Variants in ZNF879 observed in about 807,000 individuals in gnomAD.
ZNF879 encodes the protein zinc finger protein 879.
Under a neutral mutation model 44.3 loss-of-function variants are expected in ZNF879, and 32 were observed. The ratio of observed to expected loss-of-function variants is 0.72; its 90% CI spans 0.54 to 0.97. The LOEUF (loss-of-function observed/expected upper bound fraction) is 0.97. ZNF879 is among the 50% of genes least tolerant of loss of function. The probability of loss-of-function intolerance (pLI) is 0.00; values close to 1 mark genes in which losing one functional copy is unlikely to be tolerated. For synonymous variants in ZNF879, 234 were observed against 233.2 expected (o/e 1.00, Z -0.03); for missense variants, 621 against 669.7 (o/e 0.93, Z 0.80).
chr5:179,026,740 C>T lies in ZNF879; in HGVS notation c.34-733C>T, dbSNP rs574865002. 9.2e-5 allele frequency among the ~76,000 whole-genome samples: 14 copies of T among 152,338 alleles called. No homozygotes were observed. The South Asian group carries it at 2.5e-3, about 27-fold the overall frequency. On this transcript the variant is annotated intron_variant, in intron 2 of 4. Coordinates refer to ENST00000444149, the MANE Select transcript of ZNF879 (RefSeq NM_001136116.3). ...CTGGGCTCAAGTAATCCTCCTTTCT[C>T]GGCCTCCCAAAGTGCTGGGATTATA...
rs1451136154 is a variant in ZNF879 at position 179,033,298 on chromosome 5, C to T, written c.1350C>T (p.His450=). 2 of 1,577,240 alleles carry T rather than the reference C, an allele frequency of 1.3e-6. No individual in the cohort carries two copies. Among genetic ancestry groups the T allele is most frequent in the Admixed American group, 1.8e-5 (1 of 54,054 alleles). ...ISRLNIHHRI[H]TGEKPYNCKE... is the part of the protein sequence containing the mutation. ...GGCTTAATATACATCACAGAATTCA[C>T]ACTGGAGAGAAACCATATAATTGTA... is the stretch of plus-strand genomic sequence containing the variant. Residue 450 remains histidine, a synonymous_variant, in exon 5 of 5, where the codon CAC becomes CAT. Coordinates refer to ENST00000444149, the MANE Select transcript of ZNF879 (RefSeq NM_001136116.3).
Position 179,033,300 on chromosome 5 carries a change from C to T in ZNF879, c.1352C>T (p.Thr451Ile). 1 of 1,577,034 alleles carries T rather than the reference C, an allele frequency of 6.3e-7. No homozygotes were observed. The highest frequency in any genetic ancestry group is 8.6e-7 in the Non-Finnish European group (1 of 1,161,290). ...CTTAATATACATCACAGAATTCACA[C>T]TGGAGAGAAACCATATAATTGTAAG... The part of the protein sequence containing the change: ...SRLNIHHRIH[T>I]GEKPYNCKEC... Residue 451 changes from threonine (T) to isoleucine (I), a missense_variant, in exon 5 of 5, where the codon ACT becomes ATT. Physicochemically the swap from Thr to Ile is moderately conservative, Grantham distance 89. Coordinates refer to ENST00000444149, the MANE Select transcript of ZNF879 (RefSeq NM_001136116.3).
At chr5:179,027,887 C>T in intron 3 of ZNF879, 145 bp from the exon 4 acceptor site, 3 of 764,598 alleles carry the variant, frequency 3.9e-6, no homozygotes, top group Non-Finnish European at 6.4e-6. Flanking sequence ...CTGGGACCAT[C>T]TCCTGGTTGT....
intron 2 of ZNF879, among the ~76,000 whole-genome samples, chr5:179,026,651 TA>T (rs889096323): frequency 5.3e-5 from 8 of 151,804 alleles, no homozygotes; most frequent in African/African-American, 9.7e-5. Context: ...CCCAATTAAT[TA>T]AAAAAAAATT....
chr5:179,027,565 G>C lies in ZNF879; in HGVS notation c.126G>C (p.Val42=). 1 of 1,614,126 alleles carries C rather than the reference G, an allele frequency of 6.2e-7. No homozygotes were observed. The highest frequency in any genetic ancestry group is 8.5e-7 in the Non-Finnish European group (1 of 1,180,028). Residue 42 remains valine, a synonymous_variant, in exon 3 of 5, where the codon GTG becomes GTC. Coordinates refer to ENST00000444149, the MANE Select transcript of ZNF879 (RefSeq NM_001136116.3). The part of the protein sequence containing the change: ...DSAQRALYRE[V]MLENYSILVS... ...CCCAGAGAGCCTTGTACCGGGAGGTGATGCTGGAGAACTACAGCATCCTGG... is the reference window on the plus strand; with the variant it reads ...CCCAGAGAGCCTTGTACCGGGAGGTCATGCTGGAGAACTACAGCATCCTGG...
At position 179,025,535 on chromosome 5, in the gene ZNF879, C is replaced by T. The variant is rs187934244; in HGVS notation, c.33+498C>T. Among the ~76,000 whole-genome samples, 273 of 152,332 alleles carry T rather than the reference C, an allele frequency of 1.8e-3. 1 individual carries two copies. The highest frequency in any genetic ancestry group is 6.2e-3 in the African/African-American group (257 of 41,582). ...CAAAGAATTTAATGGGGCTCCAATG[C>T]CAGGCCACTGCCACTACCAGAGCTT... On this transcript the variant is annotated intron_variant, in intron 2 of 4. Transcript: ENST00000444149.
At chr5:179,024,403 C>G (rs1023478377) in intron 1 of ZNF879, 1 of 152,334 alleles carries the variant, frequency 6.6e-6, no homozygotes, top group African/African-American at 2.4e-5. Context: ...TCCCATTTCT[C>G]TAAATTTTAA....
chr5:179,027,410 G>T, intron 2 of ZNF879, 63 bp from the exon 3 acceptor site: 6 of 1,595,776 alleles, frequency 3.8e-6, no homozygotes, highest in Non-Finnish European at 5.1e-6. Flanking sequence ...TGACAGGGTT[G>T]CTTCTCAGTC....
intron 2 of ZNF879, 78 bp downstream of exon 2, chr5:179,025,115 C>A: frequency 6.7e-7 from 1 of 1,501,184 alleles, no homozygotes; most frequent in Non-Finnish European, 9.1e-7. Flanking sequence ...TGTTGAGCTT[C>A]TCTACCCAGT....
chr5:179,027,908 C>A, intron 3 of ZNF879, 124 bp from the exon 4 acceptor site: 1 of 858,480 alleles, frequency 1.2e-6, no homozygotes, highest in South Asian at 1.7e-5. Flanking sequence ...CCTCTAGGAG[C>A]CCAGTTTGAA....
chr5:179,027,494 G>T lies in ZNF879; in HGVS notation c.55G>T (p.Val19Leu). The part of the protein sequence containing the change: ...HVQESVTFRD[V>L]AVFFSQDEWL... ...CCAGGAGTCCGTGACGTTCAGGGAT[G>T]TGGCCGTGTTCTTCAGCCAGGACGA... Residue 19 changes from valine (V) to leucine (L), a missense_variant, in exon 3 of 5, where the codon GTG becomes TTG. Transcript: ENST00000444149. 6.2e-7 allele frequency: 1 copy of T among 1,614,178 alleles called. No homozygotes were observed. Among genetic ancestry groups the T allele is most frequent in the Non-Finnish European group, 8.5e-7 (1 of 1,180,028 alleles).
intron 1 of ZNF879, chr5:179,024,701 GACCCTGT>G: frequency 2.4e-6 from 1 of 409,544 alleles, no homozygotes; most frequent in Non-Finnish European, 4.5e-6. Context: ...TTCTGCCCTT[GACCCTGT>G]TAAGGCACGG....
intron 4 of ZNF879, among the ~76,000 whole-genome samples, chr5:179,031,953 G>A (rs368651519): frequency 7.9e-5 from 12 of 152,126 alleles, no homozygotes; most frequent in Admixed American, 4.6e-4. Context: ...ATAGCCTAGC[G>A]AGCTGTGCTT....
chr5:179,026,205 A>T (rs1761265455), intron 2 of ZNF879, among the ~76,000 whole-genome samples: 1 of 152,214 alleles, frequency 6.6e-6, no homozygotes, highest in South Asian at 2.1e-4. Context: ...CAAAGTGCAA[A>T]CAACCTAAAC....
intron 2 of ZNF879, among the ~76,000 whole-genome samples, chr5:179,025,935 G>C (rs1391425059): frequency 6.6e-6 from 1 of 150,986 alleles, no homozygotes; most frequent in Admixed American, 6.6e-5. Context: ...AAAAAGCCAG[G>C]TGTGGTGGGT....
chr5:179,028,251 C>G (rs774633749), intron 4 of ZNF879, 124 bp downstream of exon 4: 2 of 797,916 alleles, frequency 2.5e-6, no homozygotes, highest in Non-Finnish European at 4.1e-6. Flanking sequence ...GAAGGTAGAT[C>G]CTTTCTCTTT....
At position 179,032,899 on chromosome 5, in the gene ZNF879, G is replaced by C. The variant is rs551542581; in HGVS notation, c.951G>C (p.Lys317Asn). 1 of 1,570,912 alleles carries C rather than the reference G, an allele frequency of 6.4e-7. No homozygotes were observed. Among genetic ancestry groups the C allele is most frequent in the South Asian group, 1.2e-5 (1 of 85,722 alleles). Residue 317 changes from lysine to asparagine, a missense_variant, in exon 5 of 5, where the codon AAG becomes AAC. Lys to Asn is a moderately conservative substitution (Grantham distance 94). Coordinates refer to ENST00000444149, the MANE Select transcript of ZNF879 (RefSeq NM_001136116.3). Reference protein sequence around the residue: ...QRIHTGEKPYKCNECGRAFSQ... With the variant: ...QRIHTGEKPYNCNECGRAFSQ... ...TTCACACAGGAGAGAAGCCCTATAA[G>C]TGTAATGAATGTGGGAGGGCCTTCA...
intron 4 of ZNF879, among the ~76,000 whole-genome samples, chr5:179,029,043 AGTT>A (rs761733946): frequency 6.0e-5 from 9 of 149,084 alleles, no homozygotes; most frequent in Non-Finnish European, 1.3e-4. Context: ...GTCAAAAATC[AGTT>A]GTTTTTTTCT....
intron 2 of ZNF879, among the ~76,000 whole-genome samples, chr5:179,026,865 A>G (rs1407932604): frequency 1.3e-5 from 2 of 152,200 alleles, no homozygotes; most frequent in Non-Finnish European, 2.9e-5. Context: ...GAGGAGAGAG[A>G]TAGAAGAACA....
Sources: gnomAD v4.1 joint callset for allele counts (sites outside exome capture counted in the v4.1 genomes callset) on GRCh38, gnomAD v4.1.1 for gene constraint, MANE v1.5 for transcripts, NCBI Gene and HGNC (gene_info 2026-07-23, HGNC 2026-07-21) for gene names.